KLF10: variants seen among roughly 807,000 people sequenced by gnomAD.
KLF10 encodes the protein KLF transcription factor 10.
KLF10 carries 17 observed loss-of-function variants against 31.6 expected under a neutral mutation model. That is an observed-to-expected ratio of 0.54 (90% CI 0.37 to 0.81). KLF10 has a LOEUF of 0.81. KLF10 is among the 30% of genes least tolerant of loss of function. The pLI is 0.00. For missense variants in KLF10, 525 were observed against 598.1 expected (o/e 0.88, Z 1.27); for synonymous variants, 239 against 215.1 (o/e 1.11, Z -0.97).
Position 102,651,425 on chromosome 8 carries a change from G to T in KLF10, c.907C>A (p.Pro303Thr). 6.2e-7 allele frequency: 1 copy of T among 1,613,630 alleles called. No homozygotes were observed. Among genetic ancestry groups the T allele is most frequent in the Non-Finnish European group, 8.5e-7 (1 of 1,179,746 alleles). The change falls in exon 3 of 4, where the codon CCC becomes ACC. Residue 303 changes from proline to threonine, a missense_variant. By Grantham distance (38) the Pro-to-Thr change is conservative (BLOSUM62 -1). This residue lies in a region of KLF10 where 434 missense variants were observed against 450.7 expected (regional missense o/e 0.96). Transcript: ENST00000285407. ...TGTGTGCCCATGAACACAACAGGGG[G>T]GCAAACGGCTGGTGGCTGGCTGGGA... Reference protein sequence around the residue: ...TPPSQPPAVCPPVVFMGTQVP... With the variant: ...TPPSQPPAVCTPVVFMGTQVP...
chr8:102,653,457 T>A (rs1469276749), intron 1 of KLF10: 2 of 1,542,880 alleles, frequency 1.3e-6, no homozygotes, highest in East Asian at 4.8e-5. Flanking sequence ...TAAAAAAAAA[T>A]GGTACTACTC....
chr8:102,653,015 TA>T (rs1827254003), intron 1 of KLF10, among the ~76,000 whole-genome samples: 2 of 152,190 alleles, frequency 1.3e-5, no homozygotes, highest in South Asian at 4.1e-4. Flanking sequence ...CACTTTGGGA[TA>T]AAAATCAAAA....
intron 1 of KLF10, among the ~76,000 whole-genome samples, chr8:102,655,183 C>G (rs1368200167): frequency 2.0e-5 from 3 of 152,054 alleles, no homozygotes; most frequent in African/African-American, 7.2e-5. Flanking sequence ...CCCCTTGTCC[C>G]TCCCGCGACT....
intron 1 of KLF10, chr8:102,653,862 C>T (rs1450283310): frequency 5.0e-6 from 3 of 594,614 alleles, no homozygotes; most frequent in African/African-American, 7.2e-5. Context: ...AAGGGAAGCG[C>T]GGGCGGAGGC....
In KLF10 at chr8:102,651,624, T is replaced by C. The variant is rs369397323; in HGVS notation, c.708A>G (p.Ser236=). Residue 236 remains serine (S), a synonymous_variant, in exon 3 of 4, where the codon TCA becomes TCG. Transcript: ENST00000285407. ...AALYDFSVPS[S]ETVICRSQPA... ...GCTGAGACCTGCAGATGACCGTCTCTGAGGAAGGCACAGAAAAGTCATAAA... is the reference window on the plus strand; with the variant it reads ...GCTGAGACCTGCAGATGACCGTCTCCGAGGAAGGCACAGAAAAGTCATAAA... 5 of 1,614,110 alleles carry C rather than the reference T, an allele frequency of 3.1e-6. No individual in the cohort carries two copies. In the African/African-American group the frequency reaches 4.0e-5, roughly 13 times the overall value.
rs1049445444 is a variant in KLF10, at chr8:102,654,052, G to A, written c.36+1514C>T. On this transcript the variant is annotated intron_variant, in intron 1 of 3. Coordinates refer to ENST00000285407, the MANE Select transcript of KLF10 (RefSeq NM_005655.4). ...CCCGCCATTGGCCGGCCGGCTCGGC[G>A]GCCCGAGCCCGGATTGGCTGTGCGG... is the stretch of plus-strand genomic sequence containing the variant. The A allele has an allele frequency of 6.4e-5, 59 of 917,514 alleles. 1 individual carries two copies. The highest frequency in any genetic ancestry group is 3.9e-5 in the Non-Finnish European group (30 of 767,930). 56.8% of individuals were successfully genotyped at this position (917,514 alleles called of 1,614,324 possible).
At chr8:102,650,987 T>C (rs1827194688) in intron 3 of KLF10, among the ~76,000 whole-genome samples, 162 bp downstream of exon 3, 1 of 152,172 alleles carries the variant, frequency 6.6e-6, no homozygotes, top group Admixed American at 6.5e-5. Flanking sequence ...ATGGCACTCG[T>C]GAGCGGCCTC....
chr8:102,653,432 T>A (rs934105060), intron 1 of KLF10: 2 of 1,513,804 alleles, frequency 1.3e-6, no homozygotes, highest in African/African-American at 2.8e-5. Flanking sequence ...TATAGTAAAG[T>A]TCTTTGAACT....
In KLF10 at chr8:102,652,241, C is replaced by T. The variant is rs537599781; in HGVS notation, c.193G>A (p.Val65Ile). 6.2e-7 allele frequency: 1 copy of T among 1,613,284 alleles called. No individual in the cohort carries two copies. The highest frequency in any genetic ancestry group is 1.3e-5 in the African/African-American group (1 of 75,030). ...TCTGACAAATCAGATACTGGTGTAACAGGTCTGTTTTCAACGTATTTCTTA... is the reference window on the plus strand; with the variant it reads ...TCTGACAAATCAGATACTGGTGTAATAGGTCTGTTTTCAACGTATTTCTTA... ...DFKKYVENRP[V>I]TPVSDLSEEE... is the part of the protein sequence containing the mutation. Residue 65 changes from valine (V) to isoleucine (I), a missense_variant, in exon 2 of 4, where the codon GTT becomes ATT. Val to Ile is a conservative substitution (Grantham distance 29). Around this residue, in one of 3 missense-constraint regions of KLF10, gnomAD observed 434 missense variants for 450.7 expected, o/e 0.96. Transcript: ENST00000285407.
rs758146992 is a variant in KLF10, at chr8:102,651,328, C to G, written c.1004G>C (p.Ser335Thr). The G allele has an allele frequency of 6.3e-7, 1 of 1,597,444 alleles. No homozygotes were observed. The highest frequency in any genetic ancestry group is 1.3e-5 in the African/African-American group (1 of 74,418). ...GGGAGAGAGTCTGGTGCCATTCGGG[C>G]TCACCACCGGAGGCTTTGAACTCTG... ...VVQSSKPPVV[S>T]PNGTRLSPIA... is the part of the protein sequence containing the mutation. Residue 335 changes from serine to threonine, a missense_variant, in exon 3 of 4, where the codon AGC becomes ACC. Physicochemically the swap from Ser to Thr is moderately conservative, Grantham distance 58 (BLOSUM62 1). Transcript: ENST00000285407.
At chr8:102,653,725 C>T in intron 1 of KLF10, 1 of 1,190,922 alleles carries the variant, frequency 8.4e-7, no homozygotes, top group Non-Finnish European at 1.0e-6. Flanking sequence ...GTGTGTGTAA[C>T]AGCCCCAAGA....
rs1827169354 is a variant in KLF10 at position 102,650,139 on chromosome 8, G to A, written c.1436C>T (p.Thr479Ile). 6.2e-7 allele frequency: 1 copy of A among 1,614,182 alleles called. No individual in the cohort carries two copies. Among genetic ancestry groups the A allele is most frequent in the Non-Finnish European group, 8.5e-7 (1 of 1,180,006 alleles). Residue 479 changes from threonine to isoleucine, a missense_variant, in exon 4 of 4, where the codon ACA becomes ATA. This residue lies in a region of KLF10 where 42 missense variants were observed against 42.4 expected (regional missense o/e 0.99). Transcript: ENST00000285407. ...DIALPPTPAP[T>I]Q ...TCTTCACTTTCCGGTCTGTCACTGT[G>A]TGGGAGCAGGGGTTGGAGGTAGAGC...
chr8:102,655,464 T>TTC, intron 1 of KLF10, 102 bp downstream of exon 1: 1 of 1,448,322 alleles, frequency 6.9e-7, no homozygotes. Context: ...GCAGCCCCAA[T>TTC]TCTCAGGCAT....
chr8:102,651,035 C>T, intron 3 of KLF10, 114 bp downstream of exon 3: 1 of 1,008,892 alleles, frequency 9.9e-7, no homozygotes, highest in Non-Finnish European at 1.4e-6. Flanking sequence ...CTGGTAAATA[C>T]CATCCTCTAA....
chr8:102,651,277 G>A lies in KLF10; in HGVS notation c.1055C>T (p.Pro352Leu), dbSNP rs1356292914. The A allele has an allele frequency of 1.9e-6, 3 of 1,607,938 alleles. No individual in the cohort carries two copies. The highest frequency in any genetic ancestry group is 2.5e-6 in the Non-Finnish European group (3 of 1,177,036). The stretch of plus-strand genomic sequence containing the variant: ...CTGAGGAGTGACTTTTGCTGCTGAA[G>A]GGGAAAACCCAGGAGCAGGGGCAAT... ...SPIAPAPGFS[P>L]SAAKVTPQID... The change falls in exon 3 of 4, where the codon CCT (proline) becomes CTT (leucine). Residue 352 changes from proline (P) to leucine (L), a missense_variant. Coordinates refer to ENST00000285407, the MANE Select transcript of KLF10 (RefSeq NM_005655.4).
chr8:102,655,696 C>CCCGCCG lies in KLF10; in HGVS notation c.-101_-96dup. Reference sequence around the variant, plus strand: ...GCGCACGGAGACACTCGACGCCGCTCCCGCCGCCGCCGCGCTCAGCGCCGT... The same window carrying CCCGCCG: ...GCGCACGGAGACACTCGACGCCGCTCCCGCCGCCGCCGCCGCCGCGCTCAGCGCCGT... On this transcript the variant is annotated 5_prime_UTR_variant, in exon 1 of 4. Transcript: ENST00000285407. 1 of 1,401,436 alleles carries CCCGCCG rather than the reference C, an allele frequency of 7.1e-7. No individual in the cohort carries two copies. Among genetic ancestry groups the CCCGCCG allele is most frequent in the Non-Finnish European group, 9.9e-7 (1 of 1,007,056 alleles). 86.8% of individuals were successfully genotyped at this position (1,401,436 alleles called of 1,614,324 possible).
Position 102,650,212 on chromosome 8 carries a change from T to G in KLF10, c.1363A>C (p.Lys455Gln). ...TCCATCTGCCAGTTTGGTAGCTTCT[T>G]GGCTGATAGATGGCGCCGGGCATGC... ...TKHARRHLSA[K>Q]KLPNWQMEVS... The change falls in exon 4 of 4, where the codon AAG becomes CAG. Residue 455 changes from lysine to glutamine, a missense_variant. By Grantham distance (53) the Lys-to-Gln change is moderately conservative. This residue lies in a region of KLF10 where 42 missense variants were observed against 42.4 expected (regional missense o/e 0.99). Coordinates refer to ENST00000285407, the MANE Select transcript of KLF10 (RefSeq NM_005655.4). 6.2e-7 allele frequency: 1 copy of G among 1,614,232 alleles called. No individual in the cohort carries two copies. Among genetic ancestry groups the G allele is most frequent in the South Asian group, 1.1e-5 (1 of 91,088 alleles).
intron 1 of KLF10, among the ~76,000 whole-genome samples, chr8:102,652,647 CTT>C (rs1435576957): frequency 6.6e-6 from 1 of 152,040 alleles, no homozygotes; most frequent in Non-Finnish European, 1.5e-5. Context: ...AACATTTAGA[CTT>C]TAACACTGAT....
In KLF10 at chr8:102,651,198, C is replaced by T. The variant is rs1827199419; in HGVS notation, c.1134G>A (p.Lys378=). 6.5e-7 allele frequency: 1 copy of T among 1,527,530 alleles called. No individual in the cohort carries two copies. Among genetic ancestry groups the T allele is most frequent in the Admixed American group, 2.2e-5 (1 of 46,298 alleles). The allele number at this position is 1,527,530 out of a possible 1,614,324, so 94.6% of individuals were successfully genotyped here. Residue 378 remains lysine, a synonymous_variant, in exon 3 of 4, where the codon AAG becomes AAA. Transcript: ENST00000285407. ...TCAGATGGGAACTTTTAAAGTATGT[C>T]TTGCCACATCCTGGGTGGCTACAGA... ...SHICSHPGCG[K]TYFKSSHLKA...
Sources: allele counts gnomAD v4.1 joint callset (sites outside exome capture counted in the v4.1 genomes callset), GRCh38; gene constraint gnomAD v4.1.1; regional missense constraint gnomAD v4.1.1; transcripts MANE v1.5; gene names NCBI Gene and HGNC (gene_info 2026-07-23, HGNC 2026-07-21).